Variants in CSMD1 observed in about 807,000 individuals in gnomAD.
CSMD1 encodes the protein CUB and Sushi multiple domains 1.
A neutral mutation model predicts 417.5 loss-of-function variants in CSMD1; 213 were observed. That is an observed-to-expected ratio of 0.51 (90% CI 0.46 to 0.57). The LOEUF (loss-of-function observed/expected upper bound fraction) is 0.57. CSMD1 is among the 20% of genes least tolerant of loss of function. The pLI, the probability that CSMD1 is intolerant of heterozygous loss-of-function variation, is 0.00. For synonymous variants in CSMD1, 2,862 were observed against 1,736.8 expected (o/e 1.65, Z -16.11); for missense variants, 6,923 against 4,529.7 (o/e 1.53, Z -15.17).
intron 5 of CSMD1, among the ~76,000 whole-genome samples, chr8:3,914,581 T>G (rs1370066533): frequency 6.6e-6 from 1 of 152,156 alleles, no homozygotes; most frequent in Non-Finnish European, 1.5e-5. Context: ...CTCCTTAAAA[T>G]AAAATAAATT....
At chr8:4,312,246 G>A (rs1001789696) in intron 3 of CSMD1, among the ~76,000 whole-genome samples, 5 of 151,468 alleles carry the variant, frequency 3.3e-5, no homozygotes, top group East Asian at 1.9e-4. Flanking sequence ...TGATCATATT[G>A]CAATCCTAAT....
Position 2,938,757 on chromosome 8 carries a change from G to C in CSMD1, c.10536-13C>G. 1 of 1,588,206 alleles carries C rather than the reference G, an allele frequency of 6.3e-7. No individual in the cohort carries two copies. Among genetic ancestry groups the C allele is most frequent in the South Asian group, 1.1e-5 (1 of 87,458 alleles). On this transcript the variant is annotated splice_polypyrimidine_tract_variant and intron_variant, in intron 69 of 69. Coordinates refer to ENST00000635120, the MANE Select transcript of CSMD1 (RefSeq NM_033225.6). ...TTTTGGTCTCGTTCTAAGGAAAACAGAAAACAAATCATTAGAATCCTGGTT... is the reference window on the plus strand; with the variant it reads ...TTTTGGTCTCGTTCTAAGGAAAACACAAAACAAATCATTAGAATCCTGGTT...
At chr8:4,761,831 C>A (rs1339551071) in intron 1 of CSMD1, among the ~76,000 whole-genome samples, 1 of 148,292 alleles carries the variant, frequency 6.7e-6, no homozygotes, top group Non-Finnish European at 1.5e-5. Flanking sequence ...CAAAATAGTA[C>A]CATGCATCTA....
In CSMD1 at chr8:4,643,359, T is replaced by C. The variant is rs76153920; in HGVS notation, c.86-5801A>G. On this transcript the variant is annotated intron_variant, in intron 1 of 69. Coordinates refer to ENST00000635120, the MANE Select transcript of CSMD1 (RefSeq NM_033225.6). ...ATTACTGTGTAAACGAGAACTTGAT[T>C]ACTTTCTGACAGGCAGATTTTTGAC... Among the ~76,000 whole-genome samples, 339 of 152,322 alleles carry C rather than the reference T, an allele frequency of 2.2e-3. 1 individual carries two copies. The highest frequency in any genetic ancestry group is 7.9e-3 in the African/African-American group (329 of 41,582).
chr8:4,363,782 G>A (rs1325338601), intron 3 of CSMD1, among the ~76,000 whole-genome samples: 4 of 152,122 alleles, frequency 2.6e-5, no homozygotes, highest in African/African-American at 4.8e-5. Context: ...ACTCCACTAT[G>A]TATATGTATC....
chr8:3,783,823 C>T (rs1799307727), intron 5 of CSMD1, among the ~76,000 whole-genome samples: 2 of 152,136 alleles, frequency 1.3e-5, no homozygotes, highest in South Asian at 4.1e-4. Context: ...CAGCATTTTC[C>T]CACTTACCAA....
intron 10 of CSMD1, among the ~76,000 whole-genome samples, chr8:3,550,341 T>A (rs766369659): frequency 2.0e-5 from 3 of 152,128 alleles, no homozygotes; most frequent in Non-Finnish European, 4.4e-5. Flanking sequence ...GCAAACTCAT[T>A]CCTACTCCAG....
At chr8:3,860,251 C>G (rs961464825) in intron 5 of CSMD1, among the ~76,000 whole-genome samples, 1 of 152,122 alleles carries the variant, frequency 6.6e-6, no homozygotes, top group Non-Finnish European at 1.5e-5. Flanking sequence ...CTGTTTCAGT[C>G]AGACCATTGT....
At chr8:4,411,276 G>C (rs934006152) in intron 3 of CSMD1, among the ~76,000 whole-genome samples, 2 of 151,968 alleles carry the variant, frequency 1.3e-5, no homozygotes, top group African/African-American at 4.8e-5. Context: ...GGGCTCTATG[G>C]AGTTAACTTG....
intron 1 of CSMD1, among the ~76,000 whole-genome samples, chr8:4,946,344 G>C (rs778719255): frequency 1.3e-5 from 2 of 152,102 alleles, no homozygotes; most frequent in Non-Finnish European, 2.9e-5. Flanking sequence ...CAATTTTTGA[G>C]GGTGCTTTAG....
intron 8 of CSMD1, among the ~76,000 whole-genome samples, chr8:3,602,112 A>T (rs557946911): frequency 6.6e-6 from 1 of 152,344 alleles, no homozygotes; most frequent in South Asian, 2.1e-4. Flanking sequence ...AACACCATTG[A>T]ACTGCACACT....
At chr8:3,341,789 G>A (rs776988982) in intron 23 of CSMD1, among the ~76,000 whole-genome samples, 4 of 152,180 alleles carry the variant, frequency 2.6e-5, no homozygotes, top group African/African-American at 7.2e-5. Flanking sequence ...TTACCCACAG[G>A]CTTTTCAAAC....
chr8:3,407,051 C>T (rs1193076283), intron 14 of CSMD1, among the ~76,000 whole-genome samples: 2 of 151,784 alleles, frequency 1.3e-5, no homozygotes, highest in Non-Finnish European at 2.9e-5. Flanking sequence ...GGAAGAATGG[C>T]TGGCTGGCTG....
At chr8:4,855,724 A>C (rs1801761638) in intron 1 of CSMD1, among the ~76,000 whole-genome samples, 1 of 151,992 alleles carries the variant, frequency 6.6e-6, no homozygotes, top group African/African-American at 2.4e-5. Flanking sequence ...AAAAAGAATA[A>C]AAAGAAATGA....
intron 2 of CSMD1, among the ~76,000 whole-genome samples, chr8:4,635,978 A>T (rs1802790942): frequency 6.6e-6 from 1 of 152,156 alleles, no homozygotes; most frequent in Middle Eastern, 3.4e-3. Flanking sequence ...AAAGTGGGTG[A>T]AAAAATGCAA....
intron 2 of CSMD1, among the ~76,000 whole-genome samples, chr8:4,517,317 C>T (rs1220931101): frequency 6.6e-6 from 1 of 152,162 alleles, no homozygotes; most frequent in Non-Finnish European, 1.5e-5. Context: ...AGGCAGGCCC[C>T]GCTGTGAATG....
At chr8:3,493,230 G>T (rs1409055378) in intron 11 of CSMD1, among the ~76,000 whole-genome samples, 1 of 149,592 alleles carries the variant, frequency 6.7e-6, no homozygotes, top group Non-Finnish European at 1.5e-5. Flanking sequence ...GGAGGCGGAG[G>T]TTGCAGTGAG....
chr8:3,018,583 C>T lies in CSMD1; in HGVS notation c.7923G>A (p.Gly2641=). 6.2e-7 allele frequency: 1 copy of T among 1,613,322 alleles called. No homozygotes were observed. The change falls in exon 52 of 70, where the codon GGG becomes GGA. Residue 2641 remains glycine (G), a synonymous_variant. Coordinates refer to ENST00000635120, the MANE Select transcript of CSMD1 (RefSeq NM_033225.6). ...GNKIGTLTVY[G]ATAIFTCNTG... is the part of the protein sequence containing the mutation. ...TGTTGCACGTAAATATAGCTGTGGC[C>T]CCATAAACTGTCAACGTTCCAATCT...
At chr8:4,036,660 A>G (rs551860041) in intron 3 of CSMD1, among the ~76,000 whole-genome samples, 26 of 152,366 alleles carry the variant, frequency 1.7e-4, no homozygotes, top group Admixed American at 4.6e-4. Context: ...AATGGAGAGC[A>G]TGCCTGTTCT....
Sources: gnomAD v4.1 joint callset for allele counts (sites outside exome capture counted in the v4.1 genomes callset) on GRCh38, gnomAD v4.1.1 for gene constraint, MANE v1.5 for transcripts, NCBI Gene and HGNC (gene_info 2026-07-23, HGNC 2026-07-21) for gene names.